Variants in RYR2 observed in about 807,000 individuals in gnomAD.
RYR2 encodes the protein cardiac muscle ryanodine receptor-calcium release channel.
In RYR2, 227 loss-of-function variants were observed where a neutral mutation model predicts 601.1. That is an observed-to-expected ratio of 0.38 (90% CI 0.34 to 0.42). The LOEUF (loss-of-function observed/expected upper bound fraction) is 0.42. Ranked by LOEUF, RYR2 falls within the 10% of genes least tolerant of loss-of-function variation. The pLI, the probability that RYR2 is intolerant of heterozygous loss-of-function variation, is 1.00. For missense variants in RYR2, 4,646 were observed against 6,156.5 expected (o/e 0.75, Z 8.21); for synonymous variants, 2,223 against 2,175.1 (o/e 1.02, Z -0.61).
At chr1:237,714,019 A>G (rs73101907) in intron 71 of RYR2, among the ~76,000 whole-genome samples, 1,572 of 152,058 alleles carry the variant, frequency 0.01, 23 homozygotes, top group Middle Eastern at 0.037. Context: ...AGGTCATGTG[A>G]TAAATACAAC....
intron 1 of RYR2, among the ~76,000 whole-genome samples, chr1:237,195,288 G>C (rs569956872): frequency 6.6e-6 from 1 of 152,082 alleles, no homozygotes; most frequent in Admixed American, 6.6e-5. Flanking sequence ...CCAGTCGCTC[G>C]TGTTGCCCAA....
chr1:237,375,941 C>G (rs57242802), intron 7 of RYR2, among the ~76,000 whole-genome samples: 6,858 of 152,250 alleles, frequency 0.045, 363 homozygotes, highest in African/African-American at 0.12. Context: ...TTTCCTTATG[C>G]TACTCTGTTT....
intron 48 of RYR2, among the ~76,000 whole-genome samples, chr1:237,644,811 C>A (rs1681955206): frequency 1.3e-5 from 2 of 152,066 alleles, no homozygotes; most frequent in African/African-American, 2.4e-5. Flanking sequence ...GCAGGTGGAT[C>A]ACCTGAGGTC....
chr1:237,451,976 GTGTATGTGTGTT>G (rs758741994), intron 14 of RYR2, among the ~76,000 whole-genome samples: 26 of 40,236 alleles, frequency 6.5e-4, no homozygotes, highest in Admixed American at 6.2e-3. Flanking sequence ...AGTACTGTGT[GTGTATGTGTGTT>G]TGTGTGTGTG....
intron 1 of RYR2, among the ~76,000 whole-genome samples, chr1:237,056,232 A>G (rs531258624): frequency 1.4e-5 from 2 of 147,640 alleles, no homozygotes; most frequent in African/African-American, 5.2e-5. Flanking sequence ...GGACTGGAGC[A>G]CTGCACCTGT....
At chr1:237,593,436 A>C (rs777460635) in intron 32 of RYR2, 40 bp from the exon 33 acceptor site, 1 of 1,553,932 alleles carries the variant, frequency 6.4e-7, no homozygotes, top group Non-Finnish European at 8.7e-7. Context: ...TGTTTTGTTT[A>C]GTTTTACTTT....
chr1:237,217,404 T>C (rs1421456024), intron 1 of RYR2, among the ~76,000 whole-genome samples: 1 of 152,072 alleles, frequency 6.6e-6, no homozygotes, highest in East Asian at 1.9e-4. Context: ...GAAATTTTAC[T>C]TTTGGATATC....
chr1:237,158,740 G>A (rs1198683042), intron 1 of RYR2, among the ~76,000 whole-genome samples: 6 of 152,182 alleles, frequency 3.9e-5, no homozygotes, highest in African/African-American at 1.4e-4. Flanking sequence ...CAGTGCTGAG[G>A]GTTGTGCTCA....
intron 3 of RYR2, among the ~76,000 whole-genome samples, chr1:237,353,737 T>A (rs1571946229): frequency 6.6e-6 from 1 of 152,172 alleles, no homozygotes; most frequent in African/African-American, 2.4e-5. Context: ...GTTAATATGA[T>A]AGATATTTAA....
chr1:237,485,725 T>G (rs1294995640), intron 17 of RYR2, among the ~76,000 whole-genome samples: 1 of 152,294 alleles, frequency 6.6e-6, no homozygotes, highest in East Asian at 1.9e-4. Flanking sequence ...TTAATAAATA[T>G]ATATGATTCA....
intron 53 of RYR2, among the ~76,000 whole-genome samples, chr1:237,656,360 G>A (rs1258235267): frequency 6.6e-6 from 1 of 152,096 alleles, no homozygotes; most frequent in Non-Finnish European, 1.5e-5. Context: ...GCACTGCAAA[G>A]CTGTTTCTGC....
In RYR2 at chr1:237,783,934, G is replaced by C; in HGVS notation, c.12222G>C (p.Glu4074Asp). 6.2e-7 allele frequency: 1 copy of C among 1,613,516 alleles called. No homozygotes were observed. Among genetic ancestry groups the C allele is most frequent in the Non-Finnish European group, 8.5e-7 (1 of 1,179,672 alleles). ...EFLLSCAETD[E>D]NETLDYEEFV... is the part of the protein sequence containing the mutation. ...TTTTGTCTTGTGCGGAGACGGATGA[G>C]AATGAAACCCTCGACTACGAAGAGT... The change falls in exon 90 of 105, where the codon GAG (glutamate) becomes GAC (aspartate). Residue 4074 changes from glutamate to aspartate, a missense_variant. Transcript: ENST00000366574.
intron 17 of RYR2, among the ~76,000 whole-genome samples, chr1:237,488,356 T>C (rs961828784): frequency 6.6e-6 from 1 of 152,200 alleles, no homozygotes; most frequent in Non-Finnish European, 1.5e-5. Context: ...CCTGCAGATA[T>C]GGCATCCTGA....
intron 92 of RYR2, 106 bp downstream of exon 92, chr1:237,788,241 C>G: frequency 1.3e-6 from 1 of 787,906 alleles, no homozygotes; most frequent in Non-Finnish European, 2.0e-6. Flanking sequence ...GTTAGGGAAC[C>G]AGGTTAGTCC....
chr1:237,108,608 T>C (rs1381789487), intron 1 of RYR2, among the ~76,000 whole-genome samples: 2 of 152,192 alleles, frequency 1.3e-5, no homozygotes, highest in East Asian at 3.9e-4. Context: ...TTATTTCTCC[T>C]GAGGCACATA....
intron 3 of RYR2, among the ~76,000 whole-genome samples, chr1:237,336,446 G>C (rs183788071): frequency 3.3e-4 from 50 of 152,252 alleles, no homozygotes; most frequent in African/African-American, 1.1e-3. Flanking sequence ...TCTAAATTAT[G>C]TACTGTCTTC....
rs756005893 is a variant in RYR2, at chr1:237,709,518, A to C, written c.10181A>C (p.Glu3394Ala). The change falls in exon 70 of 105, where the codon GAG becomes GCG. Residue 3394 changes from glutamate (E) to alanine (A), a missense_variant. This residue lies in a region of RYR2 where 1,497 missense variants were observed against 1,842.6 expected (regional missense o/e 0.81). Coordinates refer to ENST00000366574, the MANE Select transcript of RYR2 (RefSeq NM_001035.3). ...AAGGAGCCTAACCCAGAAGCAGAGG[A>C]GCTCTTCCGCATGGTGGCTGAAGTG... ...WLKEPNPEAE[E>A]LFRMVAEVFI... is the part of the protein sequence containing the mutation. The C allele has an allele frequency of 6.2e-7, 1 of 1,612,350 alleles. No homozygotes were observed. Among genetic ancestry groups the C allele is most frequent in the East Asian group, 2.2e-5 (1 of 44,844 alleles).
intron 74 of RYR2, among the ~76,000 whole-genome samples, chr1:237,724,184 C>CATATATATATATATATATATAT (rs35705894): frequency 5.1e-5 from 7 of 136,972 alleles, no homozygotes; most frequent in Non-Finnish European, 7.8e-5. Flanking sequence ...TGTGTGTGTG[C>CATATATATATATATATATATAT]ATATATATAT....
At chr1:237,285,954 T>C (rs531950787) in intron 2 of RYR2, among the ~76,000 whole-genome samples, 7 of 152,332 alleles carry the variant, frequency 4.6e-5, no homozygotes, top group African/African-American at 1.4e-4. Context: ...CTATCAATTT[T>C]AGTTATCTTT....
Sources: allele counts gnomAD v4.1 joint callset (sites outside exome capture counted in the v4.1 genomes callset), GRCh38; gene constraint gnomAD v4.1.1; regional missense constraint gnomAD v4.1.1; transcripts MANE v1.5; gene names NCBI Gene and HGNC (gene_info 2026-07-23, HGNC 2026-07-21).